SASH1: variants seen among roughly 807,000 people sequenced by gnomAD.
SASH1 encodes SAM and SH3 domain-containing protein 1.
SASH1 carries 44 observed loss-of-function variants against 125.2 expected under a neutral mutation model. The ratio of observed to expected loss-of-function variants is 0.35; its 90% CI spans 0.28 to 0.45. The LOEUF is 0.45. SASH1 is among the 20% of genes least tolerant of loss of function. The pLI is 1.00. For missense variants in SASH1, 1,426 were observed against 1,614.5 expected, an observed-to-expected ratio of 0.88 and a Z score of 2.00; for synonymous variants, 639 against 649.1, an observed-to-expected ratio of 0.98 and a Z score of 0.24.
At chr6:148,281,921 C>CA (rs59183034) in intron 1 of SASH1, among the ~76,000 whole-genome samples, 46 of 136,936 alleles carry the variant, frequency 3.4e-4, no homozygotes, top group Non-Finnish European at 5.4e-4. Context: ...GACTCCGTCT[C>CA]AAAAAAAAAA....
At chr6:148,340,449 C>T (rs1781286923), upstream of SASH1, among the ~76,000 whole-genome samples, 1 of 150,706 alleles carries the variant, frequency 6.6e-6, no homozygotes, top group Non-Finnish European at 1.5e-5. Flanking sequence ...TGCCACTGCA[C>T]TCCAGCCTGG....
intron 1 of SASH1, chr6:148,283,409 A>G (rs1779397596): frequency 6.6e-6 from 1 of 152,334 alleles, no homozygotes; most frequent in Non-Finnish European, 1.5e-5. Context: ...GGGTGTGTGC[A>G]TGAGTGTGCC....
chr6:148,380,058 AACAGTTGCTTCAACCTT>A, intron 1 of SASH1: 1 of 447,888 alleles, frequency 2.2e-6, no homozygotes, highest in Non-Finnish European at 4.5e-6. Flanking sequence ...AGCACCAAGA[AACAGTTGCTTCAACCTT>A]AGCTGTATAA....
At chr6:148,461,683 G>C (rs1777615730) in intron 4 of SASH1, among the ~76,000 whole-genome samples, 1 of 152,204 alleles carries the variant, frequency 6.6e-6, no homozygotes, top group Admixed American at 6.5e-5. Context: ...TCCTGGCCCT[G>C]TGGCTGGAGA....
intron 2 of SASH1, among the ~76,000 whole-genome samples, chr6:148,402,673 G>A (rs1392899797): frequency 6.7e-6 from 1 of 148,780 alleles, no homozygotes; most frequent in Non-Finnish European, 1.5e-5. Flanking sequence ...GGAATGCAGT[G>A]GCACGATCTT....
chr6:148,405,921 G>GAA (rs565955379), intron 2 of SASH1, among the ~76,000 whole-genome samples: 6 of 151,950 alleles, frequency 3.9e-5, no homozygotes, highest in Non-Finnish European at 8.8e-5. Flanking sequence ...TGTTACTTAG[G>GAA]AAAAAAAATC....
At chr6:148,450,545 C>T (rs1007064799) in intron 4 of SASH1, among the ~76,000 whole-genome samples, 2 of 152,008 alleles carry the variant, frequency 1.3e-5, no homozygotes, top group East Asian at 1.9e-4. Context: ...TCTCCTTGGA[C>T]TCTAGTAGCA....
chr6:148,533,685 T>C lies in SASH1; in HGVS notation c.1735-86T>C. The C allele has an allele frequency of 2.3e-6, 3 of 1,294,734 alleles. No individual in the cohort carries two copies. Among genetic ancestry groups the C allele is most frequent in the South Asian group, 1.3e-5 (1 of 75,888 alleles). The allele number at this position is 1,294,734 out of a possible 1,614,324, so 80.2% of individuals were successfully genotyped here. ...CTGGCCTTTGTGGCATCTTCACTTC[T>C]GCATGACCTGTGTATCTGACAGATT... On this transcript the variant is annotated intron_variant, in intron 14 of 19. Coordinates refer to ENST00000367467, the MANE Select transcript of SASH1 (RefSeq NM_015278.5). The surrounding 1 kb of genome is among the most constrained non-coding windows in gnomAD (Gnocchi z 6.2).
At position 148,507,358 on chromosome 6, in the gene SASH1, TTTG is replaced by T. The variant is rs140530862; in HGVS notation, c.730-6939_730-6937del. Among the ~76,000 whole-genome samples, 29 of 150,502 alleles carry T rather than the reference TTTG, an allele frequency of 1.9e-4. No homozygotes were observed. In the East Asian group the frequency reaches 3.5e-3, roughly 18 times the overall value. On this transcript the variant is annotated intron_variant, in intron 8 of 19. Transcript: ENST00000367467. ...TGGGAGCTTCGTATTCCAATTCCCT[TTTG>T]TTGTTGTTGTTGTTGTTGTTGTTGT...
At chr6:148,363,395 G>A (rs1006110599) in intron 1 of SASH1, among the ~76,000 whole-genome samples, 4 of 151,848 alleles carry the variant, frequency 2.6e-5, no homozygotes, top group Admixed American at 2.6e-4. Context: ...GCCTGCCTGG[G>A]CCTCCCAACA....
rs1351993935 is a variant in SASH1 at position 148,550,891 on chromosome 6, A to T, written c.*2333A>T. On this transcript the variant is annotated 3_prime_UTR_variant, in exon 20 of 20. Transcript: ENST00000367467. ...AAGGAGCGAGAGAAATCTCATGTGA[A>T]TTTCCAAGTTTTAATTCGTTCTCCA... The T allele has an allele frequency of 2.0e-5, 3 of 152,370 alleles. No homozygotes were observed. The highest frequency in any genetic ancestry group is 4.4e-5 in the Non-Finnish European group (3 of 68,046). The allele number at this position is 152,370 out of a possible 1,614,324, so 9.4% of individuals were successfully genotyped here. A position where few individuals can be genotyped will look rare whatever the true frequency, so the allele number is the denominator to read the frequency against.
At chr6:148,437,594 A>G (rs1776346581) in intron 2 of SASH1, among the ~76,000 whole-genome samples, 1 of 152,264 alleles carries the variant, frequency 6.6e-6, no homozygotes, top group Non-Finnish European at 1.5e-5. Context: ...CATGAACTAT[A>G]GTTCTAGCTA....
intron 2 of SASH1, among the ~76,000 whole-genome samples, chr6:148,409,128 G>A (rs1784496516): frequency 6.6e-6 from 1 of 152,106 alleles, no homozygotes; most frequent in Non-Finnish European, 1.5e-5. Context: ...TCGTGTCTGT[G>A]CTTTCCTACC....
intron 8 of SASH1, among the ~76,000 whole-genome samples, chr6:148,502,013 A>G (rs935958642): frequency 1.3e-5 from 2 of 152,244 alleles, no homozygotes; most frequent in African/African-American, 4.8e-5. Context: ...AAGTGAATTA[A>G]GTGCTGACAA....
At chr6:148,251,329 A>G in the SASH1 span, among the ~76,000 whole-genome samples, 1 of 152,154 alleles carries the variant, frequency 6.6e-6, no homozygotes, top group African/African-American at 2.4e-5. Context: ...TCCAATCAGA[A>G]TTTTTTTCAT....
At chr6:148,280,120 G>A (rs2493920) in intron 1 of SASH1, among the ~76,000 whole-genome samples, 75,817 of 144,112 alleles carry the variant, frequency 0.53, 19,805 homozygotes, top group East Asian at 0.69. Context: ...TTTTCAACAC[G>A]GCAAGGATTG....
the SASH1 span, among the ~76,000 whole-genome samples, chr6:148,219,045 C>A: frequency 6.6e-6 from 1 of 152,176 alleles, no homozygotes; most frequent in Non-Finnish European, 1.5e-5. Context: ...GGACCACAGG[C>A]TCATGGGAGC....
chr6:148,440,145 T>C, intron 2 of SASH1, 39 bp from the exon 3 acceptor site: 1 of 1,604,360 alleles, frequency 6.2e-7, no homozygotes, highest in Non-Finnish European at 8.5e-7. Context: ...GTGTGACATG[T>C]TTGGAAGTCC....
rs148658462 is a variant in SASH1 at position 148,532,494 on chromosome 6, G to T, written c.1565-303G>T. Among the ~76,000 whole-genome samples the T allele has an allele frequency of 8.9e-4, 136 of 152,272 alleles. 1 individual carries two copies. The highest frequency in any genetic ancestry group is 3.1e-3 in the African/African-American group (128 of 41,552). ...GTGTGCATTACCACTGAGAGGTCAC[G>T]AATGTTAAGAGCAGAGTCTGGTGCC... On this transcript the variant is annotated intron_variant, in intron 13 of 19. Coordinates refer to ENST00000367467, the MANE Select transcript of SASH1 (RefSeq NM_015278.5). The surrounding 1 kb of genome is among the most constrained non-coding windows in gnomAD (Gnocchi z 4.7).
Sources: allele counts gnomAD v4.1 joint callset (sites outside exome capture counted in the v4.1 genomes callset), GRCh38; gene constraint gnomAD v4.1.1; non-coding constraint Gnocchi (gnomAD v3.1); transcripts MANE v1.5; gene names NCBI Gene and HGNC (gene_info 2026-07-23, HGNC 2026-07-21).